Variants in KIF16B observed in about 807,000 individuals in gnomAD.
The protein encoded by KIF16B is kinesin-like protein KIF16B.
KIF16B carries 98 observed loss-of-function variants against 156.3 expected under a neutral mutation model. That is an observed-to-expected ratio of 0.63 (90% CI 0.53 to 0.74). The LOEUF (loss-of-function observed/expected upper bound fraction) is 0.74, where lower values mean the gene tolerates loss of function less well. Among genes scored for constraint, KIF16B ranks in the 30% least tolerant of loss-of-function variants. KIF16B has a pLI of 0.00. For missense variants in KIF16B, 1,421 were observed against 1,606.5 expected (o/e 0.88, Z 1.97); for synonymous variants, 564 against 583.7 (o/e 0.97, Z 0.49).
At chr20:16,355,152 AAG>A (rs956664775) in intron 23 of KIF16B, among the ~76,000 whole-genome samples, 2 of 152,150 alleles carry the variant, frequency 1.3e-5, no homozygotes, top group Admixed American at 6.5e-5. Context: ...GACATCTGAA[AAG>A]AGGGATTCCT....
At chr20:16,313,740 C>A (rs2063655937) in intron 24 of KIF16B, among the ~76,000 whole-genome samples, 1 of 152,152 alleles carries the variant, frequency 6.6e-6, no homozygotes. Context: ...TTGTGAGATC[C>A]AACCATGTTG....
chr20:16,328,226 A>G (rs1042056859), intron 24 of KIF16B, among the ~76,000 whole-genome samples: 4 of 152,150 alleles, frequency 2.6e-5, no homozygotes, highest in Admixed American at 6.6e-5. Flanking sequence ...GCTCTAACAC[A>G]GCAATTTTCC....
intron 12 of KIF16B, among the ~76,000 whole-genome samples, chr20:16,449,774 T>C (rs1248421076): frequency 6.6e-6 from 1 of 151,940 alleles, no homozygotes; most frequent in Admixed American, 6.6e-5. Context: ...GGATGGAAGG[T>C]GGGTGAGAAA....
chr20:16,303,112 G>C (rs1249047193), intron 25 of KIF16B, among the ~76,000 whole-genome samples: 1 of 152,074 alleles, frequency 6.6e-6, no homozygotes, highest in African/African-American at 2.4e-5. Context: ...CATTTCTAGT[G>C]TTTGCTATGT....
chr20:16,497,254 G>A (rs530341477), intron 11 of KIF16B, among the ~76,000 whole-genome samples: 2 of 152,296 alleles, frequency 1.3e-5, no homozygotes, highest in South Asian at 4.2e-4. Flanking sequence ...CTAAAGGGTG[G>A]TCATTGTTGA....
rs182319009 is a variant in KIF16B, at chr20:16,536,725, T to C, written c.48-8285A>G. On this transcript the variant is annotated intron_variant, in intron 1 of 25. Coordinates refer to ENST00000354981, the MANE Select transcript of KIF16B (RefSeq NM_024704.5). ...TCCTTTGCAGATTCCTGGAGAACTG[T>C]CAAACTTCCAAATATTTCAAAGATG... is the stretch of plus-strand genomic sequence containing the variant. Among the ~76,000 whole-genome samples the C allele has an allele frequency of 1.5e-3, 224 of 152,198 alleles. 1 individual carries two copies. Among genetic ancestry groups the C allele is most frequent in the Admixed American group, 2.6e-3 (40 of 15,286 alleles).
intron 12 of KIF16B, among the ~76,000 whole-genome samples, chr20:16,490,353 C>T (rs1231481506): frequency 1.3e-5 from 2 of 152,010 alleles, no homozygotes; most frequent in African/African-American, 2.4e-5. Context: ...ACAGCCTGGA[C>T]AACATGGTGA....
chr20:16,417,639 T>C (rs2146353043), intron 15 of KIF16B, among the ~76,000 whole-genome samples: 1 of 152,240 alleles, frequency 6.6e-6, no homozygotes, highest in Non-Finnish European at 1.5e-5. Flanking sequence ...AATGTTTCAA[T>C]ACTCTTGAAA....
rs1298286269 is a variant in KIF16B at position 16,507,974 on chromosome 20, G to A, written c.683C>T (p.Thr228Ile). The A allele has an allele frequency of 1.9e-6, 3 of 1,614,014 alleles. No individual in the cohort carries two copies. The highest frequency in any genetic ancestry group is 2.5e-6 in the Non-Finnish European group (3 of 1,180,016). ...DVSSRSHAIFTIKFTQAKFDS... is the reference protein window; with the variant it reads ...DVSSRSHAIFIIKFTQAKFDS... ...AGCCCTTACCTGAGTGAACTTGATG[G>A]TGAAGATGGCATGAGACCTGCTACT... is the stretch of plus-strand genomic sequence containing the variant. The change falls in exon 7 of 26, where the codon ACC (threonine) becomes ATC (isoleucine). Residue 228 changes from threonine (T) to isoleucine (I), a missense_variant. By Grantham distance (89) the Thr-to-Ile change is moderately conservative. Coordinates refer to ENST00000354981, the MANE Select transcript of KIF16B (RefSeq NM_024704.5).
At chr20:16,353,210 T>G (rs186424367) in intron 23 of KIF16B, among the ~76,000 whole-genome samples, 2 of 152,242 alleles carry the variant, frequency 1.3e-5, no homozygotes, top group East Asian at 3.9e-4. Flanking sequence ...AGAGAAGAAT[T>G]TAGTAGTAGC....
chr20:16,421,142 G>C (rs1168867895), intron 15 of KIF16B, among the ~76,000 whole-genome samples: 7 of 152,072 alleles, frequency 4.6e-5, no homozygotes, highest in Non-Finnish European at 1.0e-4. Flanking sequence ...ATTCAAATTT[G>C]ACTTTGTAGA....
chr20:16,506,342 C>T, intron 7 of KIF16B, 152 bp from the exon 8 acceptor site: 2 of 645,088 alleles, frequency 3.1e-6, no homozygotes, highest in South Asian at 2.0e-5. Flanking sequence ...CTACTGATTA[C>T]AGAAACTTCT....
At chr20:16,499,085 G>T (rs1215840380) in intron 10 of KIF16B, among the ~76,000 whole-genome samples, 1 of 152,090 alleles carries the variant, frequency 6.6e-6, no homozygotes, top group African/African-American at 2.4e-5. Flanking sequence ...CCGAGCTATT[G>T]TCTTTGGCCT....
chr20:16,562,749 C>T (rs1422026954), intron 1 of KIF16B, among the ~76,000 whole-genome samples: 1 of 152,146 alleles, frequency 6.6e-6, no homozygotes, highest in East Asian at 1.9e-4. Flanking sequence ...CGTATACATT[C>T]ATAAAATGGG....
At position 16,312,377 on chromosome 20, in the gene KIF16B, AT is replaced by A. The variant is rs1188294683; in HGVS notation, c.3752del (p.Asn1251IlefsTer6). The A allele has an allele frequency of 6.2e-7, 1 of 1,613,522 alleles. No homozygotes were observed. The highest frequency in any genetic ancestry group is 1.3e-5 in the African/African-American group (1 of 74,916). On this transcript the variant is annotated frameshift_variant, in exon 25 of 26. Transcript: ENST00000354981. LOFTEE classifies it high-confidence loss of function. ...TCTCAGCAATCACACGTTCATCCTT[AT>A]TTCCAAATAGTTTCTTTGGAGGAAA... is the stretch of plus-strand genomic sequence containing the variant. Reference protein sequence around the residue: ...LEFPPKKLFGNKDERVIAERR... With the variant: ...LEFPPKKLFGXKDERVIAERR...
chr20:16,495,727 T>C (rs2146944882), intron 11 of KIF16B, among the ~76,000 whole-genome samples: 2 of 152,278 alleles, frequency 1.3e-5, no homozygotes, highest in East Asian at 3.9e-4. Flanking sequence ...TCTCACACTG[T>C]TGCCTGGGTT....
chr20:16,512,998 G>C, intron 4 of KIF16B, 75 bp from the exon 5 acceptor site: 1 of 1,128,118 alleles, frequency 8.9e-7, no homozygotes, highest in Non-Finnish European at 1.3e-6. Context: ...CAATTTGCTG[G>C]CATGAAGTTA....
intron 7 of KIF16B, among the ~76,000 whole-genome samples, chr20:16,506,751 C>T (rs1011845244): frequency 7.9e-5 from 12 of 152,006 alleles, no homozygotes; most frequent in African/African-American, 2.9e-4. Context: ...AACCAAAATG[C>T]GCCCCCCGCC....
intron 22 of KIF16B, chr20:16,366,867 C>A: frequency 1.7e-6 from 2 of 1,156,740 alleles, no homozygotes; most frequent in Middle Eastern, 3.7e-4. Context: ...CTTTAATCAC[C>A]TCACAAATAA....
Sources: allele counts gnomAD v4.1 joint callset (sites outside exome capture counted in the v4.1 genomes callset), GRCh38; gene constraint gnomAD v4.1.1; transcripts MANE v1.5; gene names NCBI Gene and HGNC (gene_info 2026-07-23, HGNC 2026-07-21).